Variants in ALKAL2 observed in about 807,000 individuals in gnomAD.
ALKAL2 encodes AUG-alpha.
A neutral mutation model predicts 18.5 loss-of-function variants in ALKAL2; 8 were observed. The ratio of observed to expected loss-of-function variants is 0.43; its 90% confidence interval spans 0.25 to 0.78. The LOEUF is 0.78. ALKAL2 is among the 30% of genes least tolerant of loss of function. ALKAL2 has a pLI of 0.22. For synonymous variants in ALKAL2, 135 were observed against 95.8 expected, an observed-to-expected ratio of 1.41 and a Z score of -2.39; for missense variants, 241 against 211.2, an observed-to-expected ratio of 1.14 and a Z score of -0.88.
intron 2 of ALKAL2, 84 bp from the exon 3 acceptor site, chr2:286,427 T>G (rs1670511343): frequency 1.9e-6 from 2 of 1,075,820 alleles, no homozygotes; most frequent in South Asian, 2.9e-5. Flanking sequence ...TGAAGAAAAT[T>G]GGAGCTCCAT....
At chr2:283,061 G>T in intron 5 of ALKAL2, 50 bp downstream of exon 5, 1 of 1,546,138 alleles carries the variant, frequency 6.5e-7, no homozygotes, top group Non-Finnish European at 8.8e-7. Flanking sequence ...TGTCCCAAGC[G>T]GGATTCCCAT....
intron 4 of ALKAL2, among the ~76,000 whole-genome samples, chr2:284,627 C>G (rs1342582428): frequency 6.6e-6 from 1 of 152,072 alleles, no homozygotes; most frequent in Non-Finnish European, 1.5e-5. Context: ...CTGCTGTGAG[C>G]AAAAGGAGGT....
In ALKAL2 at chr2:287,740, C is replaced by T. The variant is rs1670574543; in HGVS notation, c.96G>A (p.Ala32=). The T allele has an allele frequency of 1.6e-5, 23 of 1,458,454 alleles. No individual in the cohort carries two copies. The highest frequency in any genetic ancestry group is 2.0e-5 in the Non-Finnish European group (22 of 1,109,794). 90.3% of individuals were successfully genotyped at this position (1,458,454 alleles called of 1,614,324 possible). The change falls in exon 2 of 6, where the codon GCG becomes GCA. Residue 32 remains alanine, a synonymous_variant. Coordinates refer to ENST00000403610, the MANE Select transcript of ALKAL2 (RefSeq NM_001002919.3). ...GRGGAEPREP[A]DGQALLRLVV... Reference sequence around the variant, plus strand: ...CCAGCCGCAGCAGCGCCTGTCCGTCCGCCGGCTCCCGGGGCTCCGCGCCCC... The same window carrying T: ...CCAGCCGCAGCAGCGCCTGTCCGTCTGCCGGCTCCCGGGGCTCCGCGCCCC...
At chr2:286,067 G>C in intron 4 of ALKAL2, 56 bp downstream of exon 4, 2 of 1,478,502 alleles carry the variant, frequency 1.4e-6, no homozygotes, top group South Asian at 1.2e-5. Flanking sequence ...TGGAAAGAGG[G>C]GAACCGCTGC....
At chr2:286,071 C>G (rs1670498565) in intron 4 of ALKAL2, 52 bp downstream of exon 4, 1 of 1,504,180 alleles carries the variant, frequency 6.6e-7, no homozygotes, top group African/African-American at 1.4e-5. Flanking sequence ...AAGAGGGGAA[C>G]CGCTGCCTGC....
chr2:279,930 A>T lies in ALKAL2; in HGVS notation c.*217T>A. On this transcript the variant is annotated 3_prime_UTR_variant, in exon 6 of 6. Transcript: ENST00000403610. ...GCATTCCTTTTGTGTTTTTTTTTTA[A>T]ATAAGTGACAGATAACACTGTCAAG... The T allele has an allele frequency of 2.0e-6, 1 of 507,638 alleles. No homozygotes were observed. Among genetic ancestry groups the T allele is most frequent in the Non-Finnish European group, 3.6e-6 (1 of 281,300 alleles). The allele number at this position is 507,638 out of a possible 1,614,324, so 31.4% of individuals were successfully genotyped here. A position where few individuals can be genotyped will look rare whatever the true frequency, so the allele number is the denominator to read the frequency against.
chr2:286,135 T>C lies in ALKAL2; in HGVS notation c.376A>G (p.Thr126Ala). The C allele has an allele frequency of 1.9e-6, 3 of 1,613,658 alleles. No homozygotes were observed. The highest frequency in any genetic ancestry group is 2.5e-6 in the Non-Finnish European group (3 of 1,179,590). Residue 126 changes from threonine (T) to alanine (A), a missense_variant, in exon 4 of 6, where the codon ACC becomes GCC. Coordinates refer to ENST00000403610, the MANE Select transcript of ALKAL2 (RefSeq NM_001002919.3). ...HRLYHNTRDCTIPAYYKRCAR... is the reference protein window; with the variant it reads ...HRLYHNTRDCAIPAYYKRCAR... The stretch of plus-strand genomic sequence containing the variant: ...TGCTGTTACTTACATGCAGGAATGG[T>C]GCAGTCTCTGGTGTTGTGATAAAGT...
chr2:286,332 G>A lies in ALKAL2; in HGVS notation c.265C>T (p.Arg89Ter). ...AACTTGTCCTTCATCCTCAGATCTC[G>A]AGGAACAATTTCTGTTTCAGGGAAA... is the stretch of plus-strand genomic sequence containing the variant. ...SPEQRVEIVP[R>*]DLRMKDKFLK... Residue 89 changes from arginine (R) to a stop codon, truncating the protein, a stop_gained, in exon 3 of 6, where the codon CGA becomes TGA. Coordinates refer to ENST00000403610, the MANE Select transcript of ALKAL2 (RefSeq NM_001002919.3). LOFTEE classifies it high-confidence loss of function. The A allele has an allele frequency of 6.2e-7, 1 of 1,610,054 alleles. No homozygotes were observed. The highest frequency in any genetic ancestry group is 8.5e-7 in the Non-Finnish European group (1 of 1,177,962).
chr2:287,234 G>A (rs1418951701), intron 2 of ALKAL2: 2 of 219,726 alleles, frequency 9.1e-6, no homozygotes, highest in Non-Finnish European at 1.8e-5. Context: ...AATTCCCCGT[G>A]GGCCACCACT....
At chr2:284,126 C>T (rs1334611555) in intron 4 of ALKAL2, among the ~76,000 whole-genome samples, 1 of 152,208 alleles carries the variant, frequency 6.6e-6, no homozygotes, top group Non-Finnish European at 1.5e-5. Context: ...TTTTCCTAAA[C>T]AGATTCCACA....
At position 280,019 on chromosome 2, in the gene ALKAL2, T is replaced by C. The variant is rs937088106; in HGVS notation, c.*128A>G. The C allele has an allele frequency of 2.6e-5, 27 of 1,026,570 alleles. No homozygotes were observed. Among genetic ancestry groups the C allele is most frequent in the African/African-American group, 6.3e-5 (4 of 63,516 alleles). 63.6% of individuals were successfully genotyped at this position (1,026,570 alleles called of 1,614,324 possible). ...CAACATACAAAACTCAAAGGACTTA[T>C]GGAAGAGTCTGTCTGCAAAAATAAA... is the stretch of plus-strand genomic sequence containing the variant. On this transcript the variant is annotated 3_prime_UTR_variant, in exon 6 of 6. Coordinates refer to ENST00000403610, the MANE Select transcript of ALKAL2 (RefSeq NM_001002919.3).
In ALKAL2 at chr2:283,190, T is replaced by C. The variant is rs780300230; in HGVS notation, c.389-15A>G. 1.1e-5 allele frequency: 17 copies of C among 1,610,052 alleles called. No individual in the cohort carries two copies. Among genetic ancestry groups the C allele is most frequent in the African/African-American group, 4.0e-5 (3 of 74,514 alleles). On this transcript the variant is annotated splice_polypyrimidine_tract_variant and intron_variant, in intron 4 of 5. Coordinates refer to ENST00000403610, the MANE Select transcript of ALKAL2 (RefSeq NM_001002919.3). ...TCTTTTATAGTCTACGGTGAAAATA[T>C]ATCAGACTCTTGTCAGTTACTTAAA...
chr2:287,665 C>G lies in ALKAL2; in HGVS notation c.171G>C (p.Lys57Asn), dbSNP rs1374272434. The G allele has an allele frequency of 2.0e-6, 3 of 1,485,034 alleles. No individual in the cohort carries two copies. Among genetic ancestry groups the G allele is most frequent in the Middle Eastern group, 1.8e-4 (1 of 5,532 alleles). The allele number at this position is 1,485,034 out of a possible 1,614,324, so 92.0% of individuals were successfully genotyped here. A position where few individuals can be genotyped will look rare whatever the true frequency, so the allele number is the denominator to read the frequency against. The change falls in exon 2 of 6, where the codon AAG (lysine) becomes AAC (asparagine). Residue 57 changes from lysine to asparagine, a missense_variant. By Grantham distance (94) the Lys-to-Asn change is moderately conservative (BLOSUM62 0). Coordinates refer to ENST00000403610, the MANE Select transcript of ALKAL2 (RefSeq NM_001002919.3). The part of the protein sequence containing the change: ...ELRKHHSAEH[K>N]GLQLLGRDCA... ...AGTCCCGCCCGAGGAGCTGCAGGCC[C>G]TTGTGCTCCGCCGAGTGGTGCTTCC...
chr2:282,060 G>T (rs1558267640), intron 5 of ALKAL2, among the ~76,000 whole-genome samples: 1 of 152,142 alleles, frequency 6.6e-6, no homozygotes, highest in Non-Finnish European at 1.5e-5. Flanking sequence ...TTACCCACTG[G>T]CCTCCCTCCC....
intron 4 of ALKAL2, 52 bp downstream of exon 4, chr2:286,071 C>T: frequency 6.6e-7 from 1 of 1,504,178 alleles, no homozygotes; most frequent in Non-Finnish European, 9.2e-7. Flanking sequence ...AAGAGGGGAA[C>T]CGCTGCCTGC....
chr2:283,399 A>G, intron 4 of ALKAL2: 1 of 985,368 alleles, frequency 1.0e-6, no homozygotes. Context: ...GGATGATGTA[A>G]GTGGGGCAGC....
Position 288,002 on chromosome 2 carries a change from C to G in ALKAL2, c.-58+11G>C, listed in dbSNP as rs1476449909. 1 of 1,230,980 alleles carries G rather than the reference C, an allele frequency of 8.1e-7. No homozygotes were observed. Among genetic ancestry groups the G allele is most frequent in the African/African-American group, 1.6e-5 (1 of 63,512 alleles). The allele number at this position is 1,230,980 out of a possible 1,614,324, so 76.3% of individuals were successfully genotyped here. The stretch of plus-strand genomic sequence containing the variant: ...CGGGAGGAGCCGCTGGCGCTGGACC[C>G]GGCCCCTCACCTCCGCGGACCCCGA... On this transcript the variant is annotated intron_variant, in intron 1 of 5. Transcript: ENST00000403610.
intron 2 of ALKAL2, 116 bp downstream of exon 2, chr2:287,467 A>AGG: frequency 1.9e-5 from 12 of 641,352 alleles, no homozygotes; most frequent in South Asian, 5.9e-5. Flanking sequence ...AAAAAAAAAA[A>AGG]AAAGGAATCC....
At position 279,789 on chromosome 2, in the gene ALKAL2, T is replaced by C. The variant is rs1670276240; in HGVS notation, c.*358A>G. The C allele has an allele frequency of 8.9e-6, 2 of 225,874 alleles. No individual in the cohort carries two copies. The highest frequency in any genetic ancestry group is 8.7e-6 in the Non-Finnish European group (1 of 114,446). The allele number at this position is 225,874 out of a possible 1,614,324, so 14.0% of individuals were successfully genotyped here. A position where few individuals can be genotyped will look rare whatever the true frequency, so the allele number is the denominator to read the frequency against. On this transcript the variant is annotated 3_prime_UTR_variant, in exon 6 of 6. Coordinates refer to ENST00000403610, the MANE Select transcript of ALKAL2 (RefSeq NM_001002919.3). ...TAATACAGAATATCAAATTATGTTATATGAAAATATACTTTAAGATTCTGC... is the reference window on the plus strand; with the variant it reads ...TAATACAGAATATCAAATTATGTTACATGAAAATATACTTTAAGATTCTGC...
Sources: gnomAD v4.1 joint callset for allele counts (sites outside exome capture counted in the v4.1 genomes callset) on GRCh38, gnomAD v4.1.1 for gene constraint, MANE v1.5 for transcripts, NCBI Gene and HGNC (gene_info 2026-07-23, HGNC 2026-07-21) for gene names.